The following DGKB variants were observed in gnomAD, a reference collection of about 807,000 sequenced individuals.
DGKB encodes the protein diacylglycerol kinase beta, also known as 90 kDa diacylglycerol kinase.
A neutral mutation model predicts 114.3 loss-of-function variants in DGKB; 67 were observed. The ratio of observed to expected loss-of-function variants is 0.59; its 90% CI spans 0.48 to 0.72. The LOEUF is 0.72. Ranked by LOEUF, DGKB falls within the 30% of genes least tolerant of loss-of-function variation. The probability of loss-of-function intolerance (pLI) is 0.00; values close to 1 mark genes in which losing one functional copy is unlikely to be tolerated. For missense variants in DGKB, 907 were observed against 975.2 expected, an observed-to-expected ratio of 0.93 and a Z score of 0.93; for synonymous variants, 398 against 323.1, an observed-to-expected ratio of 1.23 and a Z score of -2.49.
At chr7:14,428,186 A>T (rs896828275) in intron 21 of DGKB, among the ~76,000 whole-genome samples, 1 of 151,618 alleles carries the variant, frequency 6.6e-6, no homozygotes, top group Non-Finnish European at 1.5e-5. Flanking sequence ...TATATATATA[A>T]TTTTCTTTAC....
At chr7:14,939,428 T>G (rs1312227112) in intron 1 of DGKB, among the ~76,000 whole-genome samples, 1 of 152,084 alleles carries the variant, frequency 6.6e-6, no homozygotes, top group Admixed American at 6.6e-5. Context: ...TCTCCTGTTG[T>G]GATGGCTCCA....
chr7:14,433,379 C>A (rs1184200287), intron 21 of DGKB, among the ~76,000 whole-genome samples: 1 of 152,060 alleles, frequency 6.6e-6, no homozygotes, highest in Non-Finnish European at 1.5e-5. Flanking sequence ...ATCTAATAAA[C>A]TTGACCAGAA....
At chr7:14,581,822 T>A (rs1246084683) in intron 18 of DGKB, among the ~76,000 whole-genome samples, 2 of 152,178 alleles carry the variant, frequency 1.3e-5, no homozygotes, top group Non-Finnish European at 2.9e-5. Context: ...TCCTCTAAAA[T>A]CCTTACAAGT....
At chr7:14,620,923 C>T (rs1197022481) in intron 15 of DGKB, among the ~76,000 whole-genome samples, 2 of 151,086 alleles carry the variant, frequency 1.3e-5, no homozygotes, top group African/African-American at 2.4e-5. Flanking sequence ...ACAATACATT[C>T]TTTATTATTA....
At chr7:14,468,784 G>A (rs1302271745) in intron 21 of DGKB, among the ~76,000 whole-genome samples, 1 of 151,788 alleles carries the variant, frequency 6.6e-6, no homozygotes, top group African/African-American at 2.4e-5. Flanking sequence ...TAATCTTGTG[G>A]ACATCTCTGA....
chr7:14,331,333 T>C (rs1229580196), intron 23 of DGKB, among the ~76,000 whole-genome samples: 1 of 152,038 alleles, frequency 6.6e-6, no homozygotes, highest in Non-Finnish European at 1.5e-5. Flanking sequence ...AATCCTTTTC[T>C]TGTTTCCAAA....
intron 1 of DGKB, among the ~76,000 whole-genome samples, chr7:14,915,307 A>G (rs988161201): frequency 1.3e-5 from 2 of 152,124 alleles, no homozygotes; most frequent in Admixed American, 1.3e-4. Flanking sequence ...GAGCCCAGGA[A>G]TTCGAGGCTT....
chr7:14,945,011 A>G (rs1785792207), intron 1 of DGKB, among the ~76,000 whole-genome samples: 1 of 151,828 alleles, frequency 6.6e-6, no homozygotes, highest in Admixed American at 6.6e-5. Context: ...TAACAGAATG[A>G]ATTACATGTG....
intron 13 of DGKB, among the ~76,000 whole-genome samples, chr7:14,665,616 G>A (rs1003128776): frequency 6.6e-6 from 1 of 151,894 alleles, no homozygotes; most frequent in East Asian, 1.9e-4. Flanking sequence ...CAACAGAAAT[G>A]ATTTTTGTGA....
At chr7:14,272,820 G>A (rs900515429) in intron 23 of DGKB, among the ~76,000 whole-genome samples, 22 of 152,178 alleles carry the variant, frequency 1.4e-4, no homozygotes, top group African/African-American at 5.1e-4. Flanking sequence ...CCATCCTTAA[G>A]TGAAAGATAA....
chr7:14,435,266 A>G (rs1315275872), intron 21 of DGKB, among the ~76,000 whole-genome samples: 1 of 152,116 alleles, frequency 6.6e-6, no homozygotes, highest in East Asian at 1.9e-4. Context: ...CTAAACATCC[A>G]TTGATTCATC....
intron 1 of DGKB, among the ~76,000 whole-genome samples, chr7:14,947,376 G>T (rs577792352): frequency 6.6e-6 from 1 of 151,640 alleles, no homozygotes; most frequent in East Asian, 1.9e-4. Flanking sequence ...CATTCCATTT[G>T]TTTCTGGTTG....
chr7:14,492,656 A>G (rs1481495994), intron 20 of DGKB, among the ~76,000 whole-genome samples: 1 of 152,086 alleles, frequency 6.6e-6, no homozygotes, highest in African/African-American at 2.4e-5. Flanking sequence ...CTACAGTTCT[A>G]GACCTGATGT....
chr7:14,440,652 T>C (rs183033460), intron 21 of DGKB, among the ~76,000 whole-genome samples: 85 of 152,294 alleles, frequency 5.6e-4, no homozygotes, highest in African/African-American at 1.9e-3. Context: ...CCACTGTTGA[T>C]AGTACAGTAG....
chr7:14,856,002 T>TAC (rs1554307100), intron 1 of DGKB, among the ~76,000 whole-genome samples: 40 of 80,140 alleles, frequency 5.0e-4, no homozygotes, highest in Middle Eastern at 6.3e-3. Context: ...TATATATATA[T>TAC]ACACACACAC....
At chr7:14,779,907 GC>G (rs368323239) in intron 2 of DGKB, among the ~76,000 whole-genome samples, 77 of 152,206 alleles carry the variant, frequency 5.1e-4, no homozygotes, top group African/African-American at 1.7e-3. Context: ...GTTTGACCTA[GC>G]TTTTTCTTTC....
intron 23 of DGKB, among the ~76,000 whole-genome samples, chr7:14,301,724 T>C (rs1276877949): frequency 6.6e-6 from 1 of 152,108 alleles, no homozygotes; most frequent in Non-Finnish European, 1.5e-5. Flanking sequence ...TTTGAAGGCT[T>C]AGAAGACTAA....
At chr7:14,375,722 T>C (rs539488148) in intron 21 of DGKB, among the ~76,000 whole-genome samples, 6 of 152,304 alleles carry the variant, frequency 3.9e-5, no homozygotes, top group African/African-American at 1.2e-4. Flanking sequence ...CTTTCTTCGA[T>C]AGCACTTCCT....
At chr7:14,671,693 T>C (rs17604466) in intron 13 of DGKB, among the ~76,000 whole-genome samples, 4,455 of 152,212 alleles carry the variant, frequency 0.029, 101 homozygotes, top group Middle Eastern at 0.054. Flanking sequence ...AGATGGGTAG[T>C]AGGAAGAAAT....
Sources: allele counts gnomAD v4.1 joint callset (sites outside exome capture counted in the v4.1 genomes callset), GRCh38; gene constraint gnomAD v4.1.1; transcripts MANE v1.5; gene names NCBI Gene and HGNC (gene_info 2026-07-23, HGNC 2026-07-21).